RASSF3: variants seen among roughly 807,000 people sequenced by gnomAD.
The protein encoded by RASSF3 is ras association domain-containing protein 3.
In RASSF3, 19 loss-of-function variants were observed where a neutral mutation model predicts 19.9. That is an observed-to-expected ratio of 0.96 (90% CI 0.67 to 1.40). RASSF3 has a LOEUF of 1.40. Ranked by LOEUF, RASSF3 falls within the 40% of genes most tolerant of loss-of-function variation. The pLI, the probability that RASSF3 is intolerant of heterozygous loss-of-function variation, is 0.00. For missense variants in RASSF3, 306 were observed against 289.8 expected, an observed-to-expected ratio of 1.06 and a Z score of -0.41; for synonymous variants, 110 against 104.2, an observed-to-expected ratio of 1.06 and a Z score of -0.34.
chr12:64,540,826 C>T (rs1166279184), intron 1 of RASSF3, among the ~76,000 whole-genome samples: 1 of 151,656 alleles, frequency 6.6e-6, no homozygotes, highest in African/African-American at 2.4e-5. Context: ...GGCTGGAGTG[C>T]AGTGGTTGAA....
At chr12:64,574,154 T>C (rs1266129621) in intron 2 of RASSF3, among the ~76,000 whole-genome samples, 1 of 147,756 alleles carries the variant, frequency 6.8e-6, no homozygotes, top group African/African-American at 2.5e-5. Context: ...AAAAAAAAAA[T>C]ACAAAAATTA....
chr12:64,673,013 G>A (rs572850941), intron 1 of RASSF3, among the ~76,000 whole-genome samples: 8 of 152,190 alleles, frequency 5.3e-5, no homozygotes, highest in African/African-American at 9.6e-5. Context: ...TCATTGCTTC[G>A]TGCTTCCTGT....
intron 2 of RASSF3, among the ~76,000 whole-genome samples, chr12:64,558,134 G>T (rs532950304): frequency 6.6e-6 from 1 of 152,280 alleles, no homozygotes; most frequent in Non-Finnish European, 1.5e-5. Flanking sequence ...CATACTGAGG[G>T]CCTGTTGTCT....
At chr12:64,667,633 T>TC (rs1872571108) in intron 1 of RASSF3, among the ~76,000 whole-genome samples, 1 of 152,264 alleles carries the variant, frequency 6.6e-6, no homozygotes, top group Non-Finnish European at 1.5e-5. Context: ...CCTGCCTGTG[T>TC]CCTGGAATCA....
intron 1 of RASSF3, among the ~76,000 whole-genome samples, chr12:64,632,936 A>G (rs1871213605): frequency 6.6e-6 from 1 of 152,248 alleles, no homozygotes. Flanking sequence ...TTTCTTAGAA[A>G]AAAAGTCTTT....
At chr12:64,605,139 C>T (rs1870168401) in intron 2 of RASSF3, among the ~76,000 whole-genome samples, 1 of 151,772 alleles carries the variant, frequency 6.6e-6, no homozygotes, top group Non-Finnish European at 1.5e-5. Flanking sequence ...GCACCCACCA[C>T]ATTCAGCTAA....
At chr12:64,507,440 G>T (rs941054218) in intron 1 of RASSF3, 1 of 396,642 alleles carries the variant, frequency 2.5e-6, no homozygotes. Flanking sequence ...GGAAAGAAAA[G>T]TCTTGAAGCC....
chr12:64,691,736 G>GGAAGAGAA, intron 4 of RASSF3, among the ~76,000 whole-genome samples, 157 bp downstream of exon 4: 1 of 151,964 alleles, frequency 6.6e-6, no homozygotes, highest in Non-Finnish European at 1.5e-5. Flanking sequence ...GCAGGGAGAG[G>GGAAGAGAA]GAGAGGGATT....
chr12:64,542,768 C>T (rs1179905838), downstream of RASSF3, among the ~76,000 whole-genome samples: 2 of 152,208 alleles, frequency 1.3e-5, no homozygotes, highest in Non-Finnish European at 2.9e-5. Context: ...TGAGAGGTGA[C>T]AGCATGCTGG....
At chr12:64,672,104 T>C (rs561820589) in intron 1 of RASSF3, among the ~76,000 whole-genome samples, 34 of 152,300 alleles carry the variant, frequency 2.2e-4, no homozygotes, top group African/African-American at 7.9e-4. Context: ...ATTTATGGGG[T>C]ACATAAGATT....
intron 2 of RASSF3, among the ~76,000 whole-genome samples, chr12:64,590,298 A>G (rs1869897873): frequency 6.6e-6 from 1 of 152,098 alleles, no homozygotes; most frequent in Non-Finnish European, 1.5e-5. Flanking sequence ...TAACTATTAA[A>G]TGAACATTAA....
chr12:64,528,193 A>G (rs1868631263), intron 1 of RASSF3, among the ~76,000 whole-genome samples: 3 of 152,182 alleles, frequency 2.0e-5, no homozygotes, highest in African/African-American at 7.2e-5. Flanking sequence ...GGATCACTTG[A>G]GCCCAGGAGG....
rs968251823 is a variant in RASSF3 at position 64,688,392 on chromosome 12, T to C, written c.396T>C (p.Phe132=). 2.5e-6 allele frequency: 4 copies of C among 1,614,196 alleles called. No individual in the cohort carries two copies. The highest frequency in any genetic ancestry group is 3.4e-6 in the Non-Finnish European group (4 of 1,180,042). Residue 132 remains phenylalanine, a synonymous_variant, in exon 3 of 5, where the codon TTT becomes TTC. Coordinates refer to ENST00000542104, the MANE Select transcript of RASSF3 (RefSeq NM_178169.4). ...GEVIEALLKK[F]LVTESPAKFA... Reference sequence around the variant, plus strand: ...TGATCGAGGCCCTGCTCAAAAAGTTTCTCGTGACTGAGAGCCCTGCCAAGT... The same window carrying C: ...TGATCGAGGCCCTGCTCAAAAAGTTCCTCGTGACTGAGAGCCCTGCCAAGT...
intron 2 of RASSF3, among the ~76,000 whole-genome samples, chr12:64,586,347 G>A (rs1001683210): frequency 1.2e-4 from 18 of 151,212 alleles, no homozygotes; most frequent in African/African-American, 4.1e-4. Context: ...AAAATTAGCT[G>A]GGCATGGTGG....
chr12:64,692,082 TTA>T (rs1478552462), intron 4 of RASSF3, among the ~76,000 whole-genome samples: 1 of 152,176 alleles, frequency 6.6e-6, no homozygotes, highest in African/African-American at 2.4e-5. Context: ...GATTAAGAAA[TTA>T]TGTTTCCATG....
chr12:64,662,944 A>C (rs1302675701), intron 1 of RASSF3, among the ~76,000 whole-genome samples: 1 of 152,194 alleles, frequency 6.6e-6, no homozygotes, highest in Non-Finnish European at 1.5e-5. Context: ...TTGGATATAC[A>C]TGAAGAGTGC....
chr12:64,655,387 A>T (rs1194360991), intron 1 of RASSF3, among the ~76,000 whole-genome samples: 1 of 152,220 alleles, frequency 6.6e-6, no homozygotes, highest in African/African-American at 2.4e-5. Context: ...AGGTGTACAG[A>T]CATAGTTTGC....
chr12:64,579,346 C>CTTTTTT (rs1265939630), intron 2 of RASSF3, among the ~76,000 whole-genome samples: 29 of 117,046 alleles, frequency 2.5e-4, no homozygotes, highest in African/African-American at 7.5e-4. Flanking sequence ...TAGCCAAGTT[C>CTTTTTT]TTTTTTTTTT....
At chr12:64,525,867 G>C (rs1030182185) in intron 1 of RASSF3, among the ~76,000 whole-genome samples, 5 of 152,144 alleles carry the variant, frequency 3.3e-5, no homozygotes, top group African/African-American at 1.2e-4. Context: ...TGATGCGTGT[G>C]AAAGACAGTA....
Sources: allele counts gnomAD v4.1 joint callset (sites outside exome capture counted in the v4.1 genomes callset), GRCh38; gene constraint gnomAD v4.1.1; transcripts MANE v1.5; gene names NCBI Gene and HGNC (gene_info 2026-07-23, HGNC 2026-07-21).